SLC24A2: variants seen among roughly 807,000 people sequenced by gnomAD.
The protein encoded by SLC24A2 is solute carrier family 24 member 2, also known as sodium/potassium/calcium exchanger 2.
In SLC24A2, 36 loss-of-function variants were observed where a neutral mutation model predicts 62.0. That is an observed-to-expected ratio of 0.58 (90% confidence interval 0.44 to 0.77). SLC24A2 has a LOEUF of 0.77. Among genes scored for constraint, SLC24A2 ranks in the 30% least tolerant of loss-of-function variants. The probability of loss-of-function intolerance (pLI) is 0.00; values close to 1 mark genes in which losing one functional copy is unlikely to be tolerated. For missense variants in SLC24A2, 846 were observed against 817.9 expected, an observed-to-expected ratio of 1.03 and a Z score of -0.42; for synonymous variants, 358 against 294.0, an observed-to-expected ratio of 1.22 and a Z score of -2.23.
chr9:20,264,489 T>C, the SLC24A2 span, among the ~76,000 whole-genome samples: 2 of 152,132 alleles, frequency 1.3e-5, no homozygotes, highest in Non-Finnish European at 2.9e-5. Flanking sequence ...CTGAAACAAA[T>C]CTTTTCTTGG....
chr9:19,630,306 C>T (rs1273931468), intron 2 of SLC24A2, among the ~76,000 whole-genome samples: 1 of 152,058 alleles, frequency 6.6e-6, no homozygotes, highest in Non-Finnish European at 1.5e-5. Flanking sequence ...TAGTAGAATT[C>T]ACTGAGCAAA....
chr9:20,008,127 C>G, the SLC24A2 span, among the ~76,000 whole-genome samples: 1 of 151,820 alleles, frequency 6.6e-6, no homozygotes, highest in East Asian at 1.9e-4. Flanking sequence ...AACTCCTGAC[C>G]TCAAGTGATC....
chr9:19,834,619 G>A, the SLC24A2 span, among the ~76,000 whole-genome samples: 1 of 152,296 alleles, frequency 6.6e-6, no homozygotes, highest in South Asian at 2.1e-4. Context: ...TGAAAGTGAT[G>A]GGGAGAATGG....
intron 9 of SLC24A2, among the ~76,000 whole-genome samples, chr9:19,526,151 G>C (rs1006442656): frequency 1.3e-5 from 2 of 151,888 alleles, no homozygotes; most frequent in African/African-American, 2.4e-5. Context: ...TAATATTTTC[G>C]AATTTCACTC....
In SLC24A2 at chr9:19,707,176, G is replaced by A. The variant is rs533982164; in HGVS notation, c.930+78761C>T. Among the ~76,000 whole-genome samples, 22 of 151,478 alleles carry A rather than the reference G, an allele frequency of 1.5e-4. 1 individual carries two copies. Among genetic ancestry groups the A allele is most frequent in the African/African-American group, 2.4e-4 (10 of 41,234 alleles). ...TCTAGAAGAAATGGATAAATTCCTC[G>A]ACACATACACCCTCCCAAGACTAAA... On this transcript the variant is annotated intron_variant, in intron 2 of 10. Transcript: ENST00000341998.
chr9:19,563,839 TCCCTCC>T (rs1563968886), intron 7 of SLC24A2, among the ~76,000 whole-genome samples: 5 of 78,730 alleles, frequency 6.4e-5, no homozygotes, highest in African/African-American at 2.1e-4. Context: ...CCTCCCTCCC[TCCCTCC>T]CTCCCTCCCT....
At chr9:20,045,146 T>C in the SLC24A2 span, among the ~76,000 whole-genome samples, 27,897 of 152,160 alleles carry the variant, frequency 0.18, 4,038 homozygotes, top group East Asian at 0.69. Context: ...TTGGCAAAAA[T>C]TTATTGAGAA....
chr9:20,297,194 C>T, the SLC24A2 span, among the ~76,000 whole-genome samples: 1 of 152,106 alleles, frequency 6.6e-6, no homozygotes, highest in East Asian at 1.9e-4. Context: ...TCCTCATGAC[C>T]AATGTGCCAG....
At chr9:19,958,903 C>T in the SLC24A2 span, among the ~76,000 whole-genome samples, 1 of 151,964 alleles carries the variant, frequency 6.6e-6, no homozygotes, top group East Asian at 1.9e-4. Flanking sequence ...TTTTTGAGGC[C>T]CTGCTTTAAT....
chr9:19,655,122 T>G (rs2065460223), intron 2 of SLC24A2, among the ~76,000 whole-genome samples: 1 of 152,220 alleles, frequency 6.6e-6, no homozygotes, highest in South Asian at 2.1e-4. Context: ...TTCTAGGCCT[T>G]ACACTGTGTA....
the SLC24A2 span, among the ~76,000 whole-genome samples, chr9:20,258,793 TATCTATCTATC>T: frequency 1.7e-4 from 22 of 128,762 alleles, no homozygotes; most frequent in Admixed American, 1.7e-4. Context: ...TCTATCTATC[TATCTATCTATC>T]TATCTATCTA....
intron 2 of SLC24A2, among the ~76,000 whole-genome samples, chr9:19,634,628 G>A (rs929456146): frequency 6.6e-6 from 1 of 152,090 alleles, no homozygotes; most frequent in Admixed American, 6.5e-5. Context: ...CCTGCTCTAA[G>A]GCATATCTCT....
intron 5 of SLC24A2, among the ~76,000 whole-genome samples, chr9:19,588,386 C>A (rs1332605976): frequency 6.6e-6 from 1 of 152,056 alleles, no homozygotes; most frequent in Non-Finnish European, 1.5e-5. Flanking sequence ...AGTCAACTTG[C>A]AGTGTGCTTC....
the SLC24A2 span, among the ~76,000 whole-genome samples, chr9:19,841,324 C>T: frequency 6.6e-6 from 1 of 152,166 alleles, no homozygotes; most frequent in East Asian, 1.9e-4. Context: ...GGGATGCCAT[C>T]ACTAAGGGGA....
At chr9:20,282,185 C>G in the SLC24A2 span, among the ~76,000 whole-genome samples, 1 of 152,090 alleles carries the variant, frequency 6.6e-6, no homozygotes, top group Non-Finnish European at 1.5e-5. Flanking sequence ...TGCAATTAGC[C>G]AATTAGAGTG....
intron 4 of SLC24A2, among the ~76,000 whole-genome samples, chr9:19,601,144 C>T (rs953897276): frequency 6.6e-5 from 10 of 152,098 alleles, no homozygotes; most frequent in South Asian, 4.2e-4. Context: ...TAGCCAGCAA[C>T]GAGATTGTAA....
chr9:20,083,369 A>G, the SLC24A2 span, among the ~76,000 whole-genome samples: 1 of 152,210 alleles, frequency 6.6e-6, no homozygotes, highest in Non-Finnish European at 1.5e-5. Context: ...AGTGGACACC[A>G]TGCTTTTCAT....
chr9:19,708,941 A>G (rs990154510), intron 2 of SLC24A2, among the ~76,000 whole-genome samples: 8 of 152,146 alleles, frequency 5.3e-5, no homozygotes, highest in African/African-American at 1.9e-4. Flanking sequence ...CTGCACAGCA[A>G]AAGAAACTAC....
the SLC24A2 span, among the ~76,000 whole-genome samples, chr9:19,935,246 G>A: frequency 6.6e-6 from 1 of 151,468 alleles, no homozygotes; most frequent in Non-Finnish European, 1.5e-5. Flanking sequence ...GTGTGTTAAA[G>A]ACAGGGGGGT....
Sources: allele counts gnomAD v4.1 joint callset (sites outside exome capture counted in the v4.1 genomes callset), GRCh38; gene constraint gnomAD v4.1.1; transcripts MANE v1.5; gene names NCBI Gene and HGNC (gene_info 2026-07-23, HGNC 2026-07-21).